ST6GALNAC3: variants seen among roughly 807,000 people sequenced by gnomAD.
ST6GALNAC3 encodes alpha-N-acetylgalactosaminide alpha-2,6-sialyltransferase 3.
In ST6GALNAC3, 25 loss-of-function variants were observed where a neutral mutation model predicts 32.7. The observed-to-expected ratio is 0.76, with a 90% CI of 0.56 to 1.07. The LOEUF is 1.07. Among genes scored for constraint, ST6GALNAC3 ranks in the 50% least tolerant of loss-of-function variants. The pLI is 0.00. For synonymous variants in ST6GALNAC3, 129 were observed against 133.1 expected (o/e 0.97, Z 0.21); for missense variants, 355 against 382.4 (o/e 0.93, Z 0.60).
intron 1 of ST6GALNAC3, among the ~76,000 whole-genome samples, chr1:76,156,545 G>T (rs12728297): frequency 0.034 from 3,814 of 113,466 alleles, 130 homozygotes; most frequent in African/African-American, 0.093. Flanking sequence ...ATTTTGTTTG[G>T]TTTTTTTTTT....
At chr1:76,145,884 G>A (rs12736289) in intron 1 of ST6GALNAC3, among the ~76,000 whole-genome samples, 13,436 of 152,162 alleles carry the variant, frequency 0.088, 758 homozygotes, top group Middle Eastern at 0.14. Context: ...CTTTTAATGT[G>A]GATTTACAAG....
At position 76,287,186 on chromosome 1, in the gene ST6GALNAC3, G is replaced by A. The variant is rs143145101; in HGVS notation, c.19-26619G>A. ...TCTTGAAGAGGAACTGTGTTCACAT[G>A]TCCTTAGTCATGAAAATCATTTTTA... On this transcript the variant is annotated intron_variant, in intron 1 of 4. Coordinates refer to ENST00000328299, the MANE Select transcript of ST6GALNAC3 (RefSeq NM_152996.4). Among the ~76,000 whole-genome samples the A allele has an allele frequency of 3.5e-3, 526 of 152,284 alleles. 5 individuals carry two copies. Among genetic ancestry groups the A allele is most frequent in the African/African-American group, 0.012 (479 of 41,562 alleles).
At chr1:76,508,730 C>T (rs1661642897) in intron 3 of ST6GALNAC3, among the ~76,000 whole-genome samples, 3 of 152,160 alleles carry the variant, frequency 2.0e-5, no homozygotes, top group African/African-American at 7.2e-5. Flanking sequence ...GTAGCATATA[C>T]TCTGTGATCT....
chr1:76,395,348 G>T (rs1179594971), intron 2 of ST6GALNAC3, among the ~76,000 whole-genome samples: 2 of 152,144 alleles, frequency 1.3e-5, no homozygotes, highest in South Asian at 2.1e-4. Flanking sequence ...TGGTAGAAAT[G>T]CAAATTAGTA....
intron 3 of ST6GALNAC3, among the ~76,000 whole-genome samples, chr1:76,457,281 A>G (rs1657892050): frequency 6.6e-6 from 1 of 152,174 alleles, no homozygotes; most frequent in African/African-American, 2.4e-5. Flanking sequence ...ATACTGCCCA[A>G]GGTAATTTAC....
intron 1 of ST6GALNAC3, among the ~76,000 whole-genome samples, chr1:76,186,361 T>C (rs1292019585): frequency 6.6e-6 from 1 of 152,164 alleles, no homozygotes; most frequent in East Asian, 1.9e-4. Flanking sequence ...AATAAACCCA[T>C]TGACTACTGA....
rs368636358 is a variant in ST6GALNAC3, at chr1:76,154,112, G to T, written c.18+79228G>T. 7.5e-4 allele frequency among the ~76,000 whole-genome samples: 114 copies of T among 152,232 alleles called. 1 individual carries two copies. Among genetic ancestry groups the T allele is most frequent in the African/African-American group, 2.6e-3 (108 of 41,548 alleles). Reference sequence around the variant, plus strand: ...GCCCAGTCGGCTTAAAAATAGTCCAGTCATTTCACCCCTGGAATTTTCTCT... The same window carrying T: ...GCCCAGTCGGCTTAAAAATAGTCCATTCATTTCACCCCTGGAATTTTCTCT... On this transcript the variant is annotated intron_variant, in intron 1 of 4. Coordinates refer to ENST00000328299, the MANE Select transcript of ST6GALNAC3 (RefSeq NM_152996.4).
chr1:76,563,549 A>G (rs888059648), intron 3 of ST6GALNAC3, among the ~76,000 whole-genome samples: 1 of 152,238 alleles, frequency 6.6e-6, no homozygotes, highest in African/African-American at 2.4e-5. Context: ...TCAGGTATTT[A>G]GAACCCAATT....
intron 1 of ST6GALNAC3, among the ~76,000 whole-genome samples, chr1:76,220,081 A>G (rs1228005776): frequency 2.0e-5 from 3 of 152,178 alleles, no homozygotes; most frequent in Admixed American, 6.6e-5. Flanking sequence ...TTCCCTATTA[A>G]TTGTCTTTTT....
rs543305286 is a variant in ST6GALNAC3, at chr1:76,432,918, C to T, written c.623+20501C>T. ...GAATTTGGCAGTCCCCAGGCTTCTA[C>T]AGGCGGTTTTGAGGATGAAATGTGG... On this transcript the variant is annotated intron_variant, in intron 3 of 4. Coordinates refer to ENST00000328299, the MANE Select transcript of ST6GALNAC3 (RefSeq NM_152996.4). 2.6e-5 allele frequency among the ~76,000 whole-genome samples: 4 copies of T among 152,336 alleles called. No homozygotes were observed. The East Asian group carries it at 5.8e-4, about 22-fold the overall frequency.
chr1:76,446,484 A>ATT (rs1425366474), intron 3 of ST6GALNAC3, among the ~76,000 whole-genome samples: 1 of 152,188 alleles, frequency 6.6e-6, no homozygotes, highest in Non-Finnish European at 1.5e-5. Flanking sequence ...TGTTCTGCCT[A>ATT]TTCAGCCCTC....
intron 3 of ST6GALNAC3, among the ~76,000 whole-genome samples, chr1:76,419,940 CTTTCT>C (rs1654908640): frequency 7.8e-6 from 1 of 127,670 alleles, no homozygotes; most frequent in Non-Finnish European, 1.7e-5. Context: ...TTCTTTCTTT[CTTTCT>C]TTTTTTTTTT....
intron 1 of ST6GALNAC3, among the ~76,000 whole-genome samples, chr1:76,296,234 AT>A (rs1158001476): frequency 6.6e-6 from 1 of 152,084 alleles, no homozygotes; most frequent in African/African-American, 2.4e-5. Context: ...AGGAAAAAGA[AT>A]GAAAACTAGG....
intron 3 of ST6GALNAC3, among the ~76,000 whole-genome samples, chr1:76,615,375 G>C (rs1438744817): frequency 1.3e-5 from 2 of 152,170 alleles, no homozygotes; most frequent in African/African-American, 2.4e-5. Context: ...GAACCACCAA[G>C]AGAGCTCCAA....
intron 3 of ST6GALNAC3, among the ~76,000 whole-genome samples, chr1:76,544,717 G>A (rs1664187123): frequency 6.6e-6 from 1 of 152,166 alleles, no homozygotes; most frequent in Non-Finnish European, 1.5e-5. Flanking sequence ...AGATACAGGT[G>A]TCAGAAGATT....
At chr1:76,574,323 A>G (rs1646765600) in intron 3 of ST6GALNAC3, among the ~76,000 whole-genome samples, 1 of 152,038 alleles carries the variant, frequency 6.6e-6, no homozygotes, top group Non-Finnish European at 1.5e-5. Flanking sequence ...CCTTTTGACA[A>G]TTATTTAAGT....
At chr1:76,163,674 A>G (rs1192247305) in intron 1 of ST6GALNAC3, among the ~76,000 whole-genome samples, 1 of 152,078 alleles carries the variant, frequency 6.6e-6, no homozygotes, top group Non-Finnish European at 1.5e-5. Flanking sequence ...TTATAAAATA[A>G]TGGTGTGTCT....
chr1:76,510,468 A>G (rs1419725035), intron 3 of ST6GALNAC3, among the ~76,000 whole-genome samples: 2 of 152,142 alleles, frequency 1.3e-5, no homozygotes, highest in Non-Finnish European at 2.9e-5. Flanking sequence ...TAGGAACAAT[A>G]GAGTGAGGTA....
At chr1:76,150,000 G>A (rs1650940005) in intron 1 of ST6GALNAC3, among the ~76,000 whole-genome samples, 1 of 152,202 alleles carries the variant, frequency 6.6e-6, no homozygotes, top group Non-Finnish European at 1.5e-5. Flanking sequence ...CATGGTGGTG[G>A]AAAGAGCTCT....
Sources: allele counts gnomAD v4.1 joint callset (sites outside exome capture counted in the v4.1 genomes callset), GRCh38; gene constraint gnomAD v4.1.1; transcripts MANE v1.5; gene names NCBI Gene and HGNC (gene_info 2026-07-23, HGNC 2026-07-21).